The following CSMD1 variants were observed in gnomAD, a reference collection of about 807,000 sequenced individuals.
CSMD1 encodes CUB and sushi domain-containing protein 1.
Under a neutral mutation model 417.5 loss-of-function variants are expected in CSMD1, and 213 were observed. The ratio of observed to expected loss-of-function variants is 0.51; its 90% CI spans 0.46 to 0.57. The LOEUF is 0.57. Ranked by LOEUF, CSMD1 falls within the 20% of genes least tolerant of loss-of-function variation. CSMD1 has a pLI of 0.00. For missense variants in CSMD1, 6,923 were observed against 4,529.7 expected (o/e 1.53, Z -15.17); for synonymous variants, 2,862 against 1,736.8 (o/e 1.65, Z -16.11).
chr8:4,794,040 T>G (rs1037539355), intron 1 of CSMD1, among the ~76,000 whole-genome samples: 2 of 152,194 alleles, frequency 1.3e-5, no homozygotes, highest in Non-Finnish European at 2.9e-5. Flanking sequence ...ATCTTAGTGC[T>G]CTTGAAATAA....
chr8:4,117,065 G>A (rs1350065055), intron 3 of CSMD1, among the ~76,000 whole-genome samples: 2 of 151,758 alleles, frequency 1.3e-5, no homozygotes, highest in East Asian at 1.9e-4. Context: ...TAACCAGAAT[G>A]AAATCTGGCC....
chr8:3,407,504 G>C (rs1812428172), intron 14 of CSMD1, among the ~76,000 whole-genome samples: 1 of 151,924 alleles, frequency 6.6e-6, no homozygotes, highest in South Asian at 2.1e-4. Context: ...ATGATGGATG[G>C]ATGAATGAAA....
intron 2 of CSMD1, among the ~76,000 whole-genome samples, chr8:4,498,078 A>T (rs1013411870): frequency 6.6e-6 from 1 of 152,174 alleles, no homozygotes; most frequent in Non-Finnish European, 1.5e-5. Context: ...CCCTGCTTAT[A>T]CATCTATTTT....
chr8:4,120,812 G>A (rs1181740217), intron 3 of CSMD1, among the ~76,000 whole-genome samples: 3 of 152,154 alleles, frequency 2.0e-5, no homozygotes, highest in African/African-American at 4.8e-5. Flanking sequence ...CTCATGACAT[G>A]CCAGAAATCA....
chr8:4,689,198 G>A (rs1366087898), intron 1 of CSMD1, among the ~76,000 whole-genome samples: 1 of 152,148 alleles, frequency 6.6e-6, no homozygotes, highest in Non-Finnish European at 1.5e-5. Context: ...TTATTCTTTT[G>A]TGTTCAGATC....
intron 1 of CSMD1, among the ~76,000 whole-genome samples, chr8:4,833,331 C>A (rs1424186534): frequency 6.6e-6 from 1 of 152,158 alleles, no homozygotes; most frequent in African/African-American, 2.4e-5. Context: ...CATGTGGCAG[C>A]AGAAGACAAT....
intron 2 of CSMD1, among the ~76,000 whole-genome samples, chr8:4,457,801 C>A (rs1799578340): frequency 6.6e-6 from 1 of 152,158 alleles, no homozygotes; most frequent in South Asian, 2.1e-4. Context: ...TCTTAGCTGG[C>A]TTCTCACCAC....
intron 1 of CSMD1, among the ~76,000 whole-genome samples, chr8:4,697,482 A>T (rs1245364924): frequency 6.6e-6 from 1 of 152,210 alleles, no homozygotes; most frequent in Non-Finnish European, 1.5e-5. Context: ...GCTATTAGGT[A>T]TAACATATTC....
At chr8:4,510,897 C>G (rs1483689053) in intron 2 of CSMD1, among the ~76,000 whole-genome samples, 1 of 143,758 alleles carries the variant, frequency 7.0e-6, no homozygotes, top group Non-Finnish European at 1.5e-5. Context: ...CTTCCTTCCT[C>G]TCTTCCTCCC....
chr8:4,934,396 T>C (rs1490803945), intron 1 of CSMD1, among the ~76,000 whole-genome samples: 1 of 152,110 alleles, frequency 6.6e-6, no homozygotes, highest in Non-Finnish European at 1.5e-5. Context: ...CCATCAAGAA[T>C]AATAATTCAG....
intron 2 of CSMD1, among the ~76,000 whole-genome samples, chr8:4,525,913 G>C (rs761702248): frequency 2.6e-5 from 4 of 152,102 alleles, no homozygotes; most frequent in Non-Finnish European, 5.9e-5. Flanking sequence ...GCAGGCCTTA[G>C]TAACCACCTG....
chr8:3,133,362 G>A (rs1416963613), intron 41 of CSMD1, among the ~76,000 whole-genome samples: 2 of 152,196 alleles, frequency 1.3e-5, no homozygotes, highest in Non-Finnish European at 2.9e-5. Flanking sequence ...GGATCCCTCA[G>A]AGCCTCCCCT....
intron 36 of CSMD1, among the ~76,000 whole-genome samples, chr8:3,183,975 A>T (rs1430651635): frequency 6.6e-6 from 1 of 152,192 alleles, no homozygotes; most frequent in Non-Finnish European, 1.5e-5. Flanking sequence ...TTCAGCAGTC[A>T]GAAAACACTT....
Position 3,707,382 on chromosome 8 carries a change from C to T in CSMD1, c.1009+1032G>A, listed in dbSNP as rs547080991. ...CTAGGCAACGGAAAAACAATATGCA[C>T]AGATGCAAAACACCGGGGACAGGCG... On this transcript the variant is annotated intron_variant, in intron 7 of 69. Coordinates refer to ENST00000635120, the MANE Select transcript of CSMD1 (RefSeq NM_033225.6). Among the ~76,000 whole-genome samples, 25 of 152,262 alleles carry T rather than the reference C, an allele frequency of 1.6e-4. No homozygotes were observed. In the South Asian group the frequency reaches 4.6e-3, roughly 28 times the overall value.
chr8:4,290,857 G>T (rs1285242285), intron 3 of CSMD1, among the ~76,000 whole-genome samples: 1 of 152,096 alleles, frequency 6.6e-6, no homozygotes, highest in Non-Finnish European at 1.5e-5. Flanking sequence ...ATATCCATCT[G>T]TTTCTTGTGA....
intron 2 of CSMD1, among the ~76,000 whole-genome samples, chr8:4,606,177 A>G (rs1800857767): frequency 6.6e-6 from 1 of 152,206 alleles, no homozygotes; most frequent in African/African-American, 2.4e-5. Context: ...CATAACTGTC[A>G]CTGGGCACTG....
At chr8:4,296,076 G>C (rs778931936) in intron 3 of CSMD1, among the ~76,000 whole-genome samples, 4 of 152,032 alleles carry the variant, frequency 2.6e-5, no homozygotes, top group African/African-American at 9.7e-5. Context: ...AAAATGATGT[G>C]CTCTCTGTTG....
chr8:3,302,192 G>A (rs1397272338), intron 25 of CSMD1, among the ~76,000 whole-genome samples: 1 of 152,168 alleles, frequency 6.6e-6, no homozygotes, highest in Non-Finnish European at 1.5e-5. Flanking sequence ...AACACGTGAT[G>A]AGCTCTGAGG....
intron 62 of CSMD1, among the ~76,000 whole-genome samples, chr8:2,958,283 G>A (rs552125215): frequency 5.3e-5 from 8 of 152,172 alleles, no homozygotes; most frequent in Non-Finnish European, 1.2e-4. Flanking sequence ...ACTGTTGTCT[G>A]AATGTCTGAG....
Sources: gnomAD v4.1 joint callset for allele counts (sites outside exome capture counted in the v4.1 genomes callset) on GRCh38, gnomAD v4.1.1 for gene constraint, MANE v1.5 for transcripts, NCBI Gene and HGNC (gene_info 2026-07-23, HGNC 2026-07-21) for gene names.